Variants in CPEB4 observed in about 807,000 individuals in gnomAD.
The protein encoded by CPEB4 is cytoplasmic polyadenylation element binding protein 4, also known as cytoplasmic polyadenylation element-binding protein 4.
In CPEB4, 12 loss-of-function variants were observed where a neutral mutation model predicts 72.5. The observed-to-expected ratio is 0.17, with a 90% CI of 0.11 to 0.27. The LOEUF is 0.27. CPEB4 is among the 10% of genes least tolerant of loss of function. The pLI is 1.00. For synonymous variants in CPEB4, 302 were observed against 326.3 expected (o/e 0.93, Z 0.80); for missense variants, 614 against 908.5 (o/e 0.68, Z 4.17).
chr5:173,891,451 A>T (rs964209674), intron 1 of CPEB4: 1 of 152,242 alleles, frequency 6.6e-6, no homozygotes, highest in South Asian at 2.1e-4. Flanking sequence ...ATCAGTAAGG[A>T]CTATCTAGTG....
rs920940892 is a variant in CPEB4 at position 173,950,392 on chromosome 5, G to A, written c.1665+314G>A. Reference sequence around the variant, plus strand: ...GGCCGAAGCAGGTGGATCACATGAGGTCAGGAGTTCGAGACCAGCCTGGCC... The same window carrying A: ...GGCCGAAGCAGGTGGATCACATGAGATCAGGAGTTCGAGACCAGCCTGGCC... On this transcript the variant is annotated intron_variant, in intron 7 of 9. Coordinates refer to ENST00000265085, the MANE Select transcript of CPEB4 (RefSeq NM_030627.4). This position sits in a 1 kb window ranked among gnomAD's most constrained non-coding sequence, Gnocchi z 5.0. Among the ~76,000 whole-genome samples the A allele has an allele frequency of 6.6e-6, 1 of 152,126 alleles. No homozygotes were observed. Among genetic ancestry groups the A allele is most frequent in the African/African-American group, 2.4e-5 (1 of 41,422 alleles).
intron 2 of CPEB4, among the ~76,000 whole-genome samples, chr5:173,923,872 G>C (rs963629847): frequency 1.3e-5 from 2 of 152,040 alleles, no homozygotes; most frequent in South Asian, 2.1e-4. Flanking sequence ...GAGTCAGAAG[G>C]CTTCTGGCAA....
At position 173,932,434 on chromosome 5, in the gene CPEB4, C is replaced by T; in HGVS notation, c.1208-16C>T. On this transcript the variant is annotated splice_polypyrimidine_tract_variant and intron_variant, in intron 2 of 9. Transcript: ENST00000265085. ...TGAAAAAAGTAAACTTAGTAACGGC[C>T]TTCTTTTACCTTCAGGTCGTCTAAA... 1.2e-6 allele frequency: 2 copies of T among 1,605,366 alleles called. No individual in the cohort carries two copies. Among genetic ancestry groups the T allele is most frequent in the Non-Finnish European group, 1.7e-6 (2 of 1,175,094 alleles).
intron 2 of CPEB4, among the ~76,000 whole-genome samples, chr5:173,929,287 T>C (rs1406226858): frequency 6.6e-6 from 1 of 152,188 alleles, no homozygotes; most frequent in African/African-American, 2.4e-5. Context: ...CAAGTTGAAA[T>C]TTTCTCTTTA....
chr5:173,943,694 T>C (rs1358253982), intron 4 of CPEB4, among the ~76,000 whole-genome samples: 1 of 152,200 alleles, frequency 6.6e-6, no homozygotes, highest in East Asian at 1.9e-4. Context: ...AAGTGATTTT[T>C]TTAAGATCAT....
intron 2 of CPEB4, among the ~76,000 whole-genome samples, chr5:173,920,553 G>A (rs905133417): frequency 4.6e-5 from 7 of 152,234 alleles, no homozygotes; most frequent in Admixed American, 2.0e-4. Context: ...CAAATGTTAC[G>A]AAATAAAAGG....
At chr5:173,930,097 C>A (rs1379553821) in intron 2 of CPEB4, among the ~76,000 whole-genome samples, 1 of 151,634 alleles carries the variant, frequency 6.6e-6, no homozygotes, top group Non-Finnish European at 1.5e-5. Flanking sequence ...GCTTGTCTCC[C>A]AGGCTGGAGA....
chr5:173,952,947 G>GTTGTGT (rs1361029453), intron 8 of CPEB4, 144 bp from the exon 9 acceptor site: 2 of 658,238 alleles, frequency 3.0e-6, no homozygotes, highest in East Asian at 5.2e-5. Context: ...CACAATGGAT[G>GTTGTGT]ACTGGTTGTA....
At chr5:173,903,961 G>C (rs1228021840) in intron 1 of CPEB4, among the ~76,000 whole-genome samples, 3 of 152,184 alleles carry the variant, frequency 2.0e-5, no homozygotes, top group African/African-American at 7.2e-5. Flanking sequence ...CTGTGAAGTA[G>C]AGATGACAGA....
At chr5:173,934,231 C>T (rs1382260403) in intron 3 of CPEB4, among the ~76,000 whole-genome samples, 1 of 151,938 alleles carries the variant, frequency 6.6e-6, no homozygotes, top group East Asian at 1.9e-4. Context: ...TTCCTTTTTT[C>T]TTCATTACTA....
chr5:173,897,934 G>A (rs1756082350), intron 1 of CPEB4, among the ~76,000 whole-genome samples: 1 of 152,060 alleles, frequency 6.6e-6, no homozygotes, highest in African/African-American at 2.4e-5. Context: ...ACTTTAACTT[G>A]GATAGCAGAA....
intron 2 of CPEB4, among the ~76,000 whole-genome samples, chr5:173,922,443 C>G (rs1275474497): frequency 6.6e-6 from 1 of 152,134 alleles, no homozygotes; most frequent in Non-Finnish European, 1.5e-5. Context: ...GTTGCCTAGG[C>G]TGGTCTCAAA....
intron 3 of CPEB4, among the ~76,000 whole-genome samples, chr5:173,934,716 A>G (rs987837789): frequency 3.9e-5 from 6 of 152,198 alleles, no homozygotes; most frequent in African/African-American, 1.4e-4. Flanking sequence ...TGACTACTCG[A>G]CCGACCTATT....
chr5:173,891,917 A>T (rs184480841), intron 1 of CPEB4, among the ~76,000 whole-genome samples: 1 of 148,110 alleles, frequency 6.8e-6, no homozygotes, highest in East Asian at 1.9e-4. Flanking sequence ...GAATATGAGA[A>T]ATATATAATA....
At chr5:173,911,810 A>G (rs938257450) in intron 2 of CPEB4, among the ~76,000 whole-genome samples, 8 of 150,812 alleles carry the variant, frequency 5.3e-5, no homozygotes, top group African/African-American at 1.5e-4. Flanking sequence ...TGTTTATGAC[A>G]CTGCTTTGTG....
rs1758462057 is a variant in CPEB4, at chr5:173,958,955, TA to T, written c.*2819del. ...TGACTAATGTAAGAAATTGTTATTCTACTAATATTTACTTGTGATTGTGTGA... is the reference window on the plus strand; with the variant it reads ...TGACTAATGTAAGAAATTGTTATTCTCTAATATTTACTTGTGATTGTGTGA... On this transcript the variant is annotated 3_prime_UTR_variant, in exon 10 of 10. Transcript: ENST00000265085. 1 of 152,658 alleles carries T rather than the reference TA, an allele frequency of 6.6e-6. No homozygotes were observed. The highest frequency in any genetic ancestry group is 1.5e-5 in the Non-Finnish European group (1 of 68,010). The allele number at this position is 152,658 out of a possible 1,614,324, so 9.5% of individuals were successfully genotyped here.
At chr5:173,931,517 A>G (rs1342344452) in intron 2 of CPEB4, among the ~76,000 whole-genome samples, 1 of 152,230 alleles carries the variant, frequency 6.6e-6, no homozygotes, top group African/African-American at 2.4e-5. Context: ...TTAGATGAGG[A>G]AGACCTGTTG....
At chr5:173,906,487 C>A (rs1476069494) in intron 1 of CPEB4, among the ~76,000 whole-genome samples, 1 of 152,182 alleles carries the variant, frequency 6.6e-6, no homozygotes, top group African/African-American at 2.4e-5. Context: ...TTGTAGTAAA[C>A]TATACTTGCT....
rs1581168803 is a variant in CPEB4, at chr5:173,950,171, G to A, written c.1665+93G>A. The A allele has an allele frequency of 1.5e-6, 1 of 685,050 alleles. No homozygotes were observed. The highest frequency in any genetic ancestry group is 2.5e-6 in the Non-Finnish European group (1 of 404,010). 42.4% of individuals were successfully genotyped at this position (685,050 alleles called of 1,614,324 possible). A position where few individuals can be genotyped will look rare whatever the true frequency, so the allele number is the denominator to read the frequency against. On this transcript the variant is annotated intron_variant, in intron 7 of 9. Coordinates refer to ENST00000265085, the MANE Select transcript of CPEB4 (RefSeq NM_030627.4). The surrounding 1 kb of genome is among the most constrained non-coding windows in gnomAD (Gnocchi z 5.0). ...CCATAGACAACTTGATGTGTTTGGG[G>A]TACTTAATTGACATGTTTGTAAGCA...
Sources: allele counts gnomAD v4.1 joint callset (sites outside exome capture counted in the v4.1 genomes callset), GRCh38; gene constraint gnomAD v4.1.1; non-coding constraint Gnocchi (gnomAD v3.1); transcripts MANE v1.5; gene names NCBI Gene and HGNC (gene_info 2026-07-23, HGNC 2026-07-21).